The following NFIX variants were observed in gnomAD, a reference collection of about 807,000 sequenced individuals.
NFIX encodes nuclear factor 1 X-type.
In NFIX, 2 loss-of-function variants were observed where a neutral mutation model predicts 53.3. The ratio of observed to expected loss-of-function variants is 0.04; its 90% CI spans 0.02 to 0.12. The LOEUF is 0.12. NFIX is among the 10% of genes least tolerant of loss of function. NFIX has a pLI of 1.00. For synonymous variants in NFIX, 244 were observed against 289.0 expected (o/e 0.84, Z 1.58); for missense variants, 310 against 674.5 (o/e 0.46, Z 5.99).
Position 13,073,132 on chromosome 19 carries a change from G to A in NFIX, c.622+23G>A. ...ACGGTCAGTGCCCCCCACCTGCCCA[G>A]CTGCCCTTATCCTTCATGCCCCTCC... On this transcript the variant is annotated intron_variant, in intron 3 of 10. Transcript: ENST00000592199. The surrounding 1 kb of genome is among the most constrained non-coding windows in gnomAD (Gnocchi z 4.5). The A allele has an allele frequency of 6.2e-7, 1 of 1,613,028 alleles. No homozygotes were observed.
intron 2 of NFIX, among the ~76,000 whole-genome samples, chr19:13,039,167 C>T (rs2145256582): frequency 6.6e-6 from 1 of 152,050 alleles, no homozygotes; most frequent in East Asian, 1.9e-4. Context: ...GTGGGCCCAG[C>T]ACACAAATCT....
In NFIX at chr19:13,072,127, GC is replaced by G. The variant is rs1291127633; in HGVS notation, c.560-914del. 5.1e-4 allele frequency among the ~76,000 whole-genome samples: 78 copies of G among 152,266 alleles called. No homozygotes were observed. The highest frequency in any genetic ancestry group is 3.7e-4 in the Non-Finnish European group (25 of 68,010). On this transcript the variant is annotated intron_variant, in intron 2 of 10. Coordinates refer to ENST00000592199, the MANE Select transcript of NFIX (RefSeq NM_001365902.3). This position sits in a 1 kb window ranked among gnomAD's most constrained non-coding sequence, Gnocchi z 4.0. ...TTCCTCCTGCCCCACAACCTGCCTGGCCCCCCTCCACCACCCTCTCGCCAGC... is the reference window on the plus strand; with the variant it reads ...TTCCTCCTGCCCCACAACCTGCCTGGCCCCCTCCACCACCCTCTCGCCAGC...
rs952848989 is a variant in NFIX at position 13,067,461 on chromosome 19, C to T, written c.560-5586C>T. Among the ~76,000 whole-genome samples, 23 of 141,044 alleles carry T rather than the reference C, an allele frequency of 1.6e-4. No homozygotes were observed. The highest frequency in any genetic ancestry group is 2.6e-4 in the Non-Finnish European group (17 of 66,034). The allele number at this position is 141,044 out of a possible 152,430, so 92.5% of individuals were successfully genotyped here. On this transcript the variant is annotated intron_variant, in intron 2 of 10. Transcript: ENST00000592199. The surrounding 1 kb of genome is among the most constrained non-coding windows in gnomAD (Gnocchi z 4.2). The stretch of plus-strand genomic sequence containing the variant: ...TTAGTGGCACCTCCGTGTGTGTGCG[C>T]GCGTGTGTGTGTGTGTGTGTGCGTG...
In NFIX at chr19:13,078,982, A is replaced by G. The variant is rs963555148; in HGVS notation, c.1078+247A>G. Among the ~76,000 whole-genome samples, 1 of 152,068 alleles carries G rather than the reference A, an allele frequency of 6.6e-6. No individual in the cohort carries two copies. Among genetic ancestry groups the G allele is most frequent in the African/African-American group, 2.4e-5 (1 of 41,402 alleles). ...AGCAACCTCCCACTTCTCACTCCTC[A>G]CGTGCATGGGTGCTACATACAACAC... On this transcript the variant is annotated intron_variant, in intron 7 of 10. Transcript: ENST00000592199. This position sits in a 1 kb window ranked among gnomAD's most constrained non-coding sequence, Gnocchi z 4.7.
intron 10 of NFIX, among the ~76,000 whole-genome samples, chr19:13,092,774 C>T (rs776865631): frequency 2.0e-5 from 3 of 152,238 alleles, no homozygotes; most frequent in Non-Finnish European, 4.4e-5. Context: ...CGGGCCTGGG[C>T]CAGAAGCCCA....
At chr19:13,079,311 A>G (rs1399032318) in intron 7 of NFIX, among the ~76,000 whole-genome samples, 2 of 152,228 alleles carry the variant, frequency 1.3e-5, no homozygotes. Flanking sequence ...GCTGCTCCCC[A>G]GGAAAAGGAA....
At chr19:13,050,588 C>G (rs1481875377) in intron 2 of NFIX, among the ~76,000 whole-genome samples, 1 of 152,124 alleles carries the variant, frequency 6.6e-6, no homozygotes, top group African/African-American at 2.4e-5. Flanking sequence ...TGTGCTTTTC[C>G]AAGTGTGCAT....
rs148251678 is a variant in NFIX at position 13,012,936 on chromosome 19, AG to A, written c.28-12082del. 0.12 allele frequency among the ~76,000 whole-genome samples: 17,997 copies of A among 151,726 alleles called. 1,344 individuals are homozygous for A. The highest frequency in any genetic ancestry group is 0.33 in the Middle Eastern group (96 of 290). On this transcript the variant is annotated intron_variant, in intron 1 of 10. Coordinates refer to ENST00000592199, the MANE Select transcript of NFIX (RefSeq NM_001365902.3). This position sits in a 1 kb window ranked among gnomAD's most constrained non-coding sequence, Gnocchi z 5.0. ...TTTACCAGGGGAGATTTTTGTTTCCAGGGTTGGCTGGGTTTGGGGGATTTTG... is the reference window on the plus strand; with the variant it reads ...TTTACCAGGGGAGATTTTTGTTTCCAGGTTGGCTGGGTTTGGGGGATTTTG...
Position 12,998,504 on chromosome 19 carries a change from C to T in NFIX, c.27+2640C>T, listed in dbSNP as rs1404633977. On this transcript the variant is annotated intron_variant, in intron 1 of 10. Transcript: ENST00000592199. This position sits in a 1 kb window ranked among gnomAD's most constrained non-coding sequence, Gnocchi z 4.4. Reference sequence around the variant, plus strand: ...CTAGAAAAAGCATCGAAATTCAGGGCGGCCGGGTGGGGCGGTTCCTGGAGC... The same window carrying T: ...CTAGAAAAAGCATCGAAATTCAGGGTGGCCGGGTGGGGCGGTTCCTGGAGC... 1.3e-5 allele frequency among the ~76,000 whole-genome samples: 2 copies of T among 151,890 alleles called. No individual in the cohort carries two copies. Among genetic ancestry groups the T allele is most frequent in the African/African-American group, 2.4e-5 (1 of 41,328 alleles).
At position 13,093,296 on chromosome 19, in the gene NFIX, A is replaced by G. The variant is rs1422903262; in HGVS notation, c.1495-1339A>G. Among the ~76,000 whole-genome samples, 2 of 152,254 alleles carry G rather than the reference A, an allele frequency of 1.3e-5. No homozygotes were observed. Among genetic ancestry groups the G allele is most frequent in the East Asian group, 1.9e-4 (1 of 5,204 alleles). The stretch of plus-strand genomic sequence containing the variant: ...GTGTCCCTATCCTCAGTCCCAAACC[A>G]GAGCCTGAGAGCAGGTCTGGCCTGC... On this transcript the variant is annotated intron_variant, in intron 10 of 10. Transcript: ENST00000592199. This position sits in a 1 kb window ranked among gnomAD's most constrained non-coding sequence, Gnocchi z 4.7.
intron 1 of NFIX, among the ~76,000 whole-genome samples, chr19:13,023,234 C>G (rs566107363): frequency 1.3e-5 from 2 of 151,760 alleles, no homozygotes; most frequent in East Asian, 3.9e-4. Context: ...AAAACCCAAC[C>G]AGTGCGCACA....
At chr19:12,999,127 TA>T (rs1054568314) in intron 1 of NFIX, among the ~76,000 whole-genome samples, 44 of 151,830 alleles carry the variant, frequency 2.9e-4, no homozygotes, top group Non-Finnish European at 5.3e-4. Context: ...CACAGAGACA[TA>T]ATGCAGTTGG....
chr19:13,075,643 C>G lies in NFIX; in HGVS notation c.927C>G (p.Ser309=), dbSNP rs2017052095. The G allele has an allele frequency of 6.2e-7, 1 of 1,613,544 alleles. No individual in the cohort carries two copies. Among genetic ancestry groups the G allele is most frequent in the Non-Finnish European group, 8.5e-7 (1 of 1,179,796 alleles). The stretch of plus-strand genomic sequence containing the variant: ...CCCCAGCAGCTGGCAGCAGCCAGTC[C>G]AGCGGGTGGCCCAACGATGTGGATG... ...GRSPAAGSSQ[S]SGWPNDVDAG... is the part of the protein sequence containing the mutation. The change falls in exon 6 of 11, where the codon TCC becomes TCG. Residue 309 remains serine (S), a synonymous_variant. Transcript: ENST00000592199.
chr19:13,061,044 G>T (rs1484387139), intron 2 of NFIX, among the ~76,000 whole-genome samples: 1 of 152,060 alleles, frequency 6.6e-6, no homozygotes, highest in South Asian at 2.1e-4. Context: ...GGGCATCCTG[G>T]GTGCGTTAGG....
chr19:13,017,512 C>T (rs1458091605), intron 1 of NFIX, among the ~76,000 whole-genome samples: 1 of 152,074 alleles, frequency 6.6e-6, no homozygotes, highest in Non-Finnish European at 1.5e-5. Context: ...TCCTTCCTTG[C>T]TCCTTGTCTC....
chr19:13,008,782 G>A (rs1290946626), intron 1 of NFIX, among the ~76,000 whole-genome samples: 1 of 152,146 alleles, frequency 6.6e-6, no homozygotes, highest in East Asian at 1.9e-4. Flanking sequence ...CAAGAAGCTG[G>A]AGGCTGGGTA....
In NFIX at chr19:13,027,196, C is replaced by T. The variant is rs998444164; in HGVS notation, c.559+1644C>T. Reference sequence around the variant, plus strand: ...CTCTCACCCCCCAAGTCTCTACCTACTTCTGTGGATCTTTCTAGGCCTGCA... The same window carrying T: ...CTCTCACCCCCCAAGTCTCTACCTATTTCTGTGGATCTTTCTAGGCCTGCA... On this transcript the variant is annotated intron_variant, in intron 2 of 10. Coordinates refer to ENST00000592199, the MANE Select transcript of NFIX (RefSeq NM_001365902.3). This position sits in a 1 kb window ranked among gnomAD's most constrained non-coding sequence, Gnocchi z 4.3. Among the ~76,000 whole-genome samples the T allele has an allele frequency of 6.6e-6, 1 of 152,214 alleles. No homozygotes were observed. Among genetic ancestry groups the T allele is most frequent in the African/African-American group, 2.4e-5 (1 of 41,442 alleles).
rs544221485 is a variant in NFIX, at chr19:13,035,835, G to A, written c.559+10283G>A. On this transcript the variant is annotated intron_variant, in intron 2 of 10. Transcript: ENST00000592199. ...TGTTTGGGCTAATTGAATTGGCTCCGTCAAGTGCCATTGTGGTCTTAACTC... is the reference window on the plus strand; with the variant it reads ...TGTTTGGGCTAATTGAATTGGCTCCATCAAGTGCCATTGTGGTCTTAACTC... 1.4e-4 allele frequency among the ~76,000 whole-genome samples: 22 copies of A among 152,264 alleles called. No homozygotes were observed. The South Asian group carries it at 3.3e-3, about 23-fold the overall frequency.
At chr19:13,086,242 G>A (rs1256439515) in intron 8 of NFIX, among the ~76,000 whole-genome samples, 1 of 152,204 alleles carries the variant, frequency 6.6e-6, no homozygotes, top group Non-Finnish European at 1.5e-5. Context: ...CCCAACTGAG[G>A]AGATTGGACT....
Sources: allele counts gnomAD v4.1 joint callset (sites outside exome capture counted in the v4.1 genomes callset), GRCh38; gene constraint gnomAD v4.1.1; non-coding constraint Gnocchi (gnomAD v3.1); transcripts MANE v1.5; gene names NCBI Gene and HGNC (gene_info 2026-07-23, HGNC 2026-07-21).